The following PLCL1 variants were observed in gnomAD, a reference collection of about 807,000 sequenced individuals.
PLCL1 encodes the protein phospholipase C like 1 (inactive), also known as inactive phospholipase C-like protein 1.
In PLCL1, 41 loss-of-function variants were observed where a neutral mutation model predicts 84.4. The ratio of observed to expected loss-of-function variants is 0.49; its 90% CI spans 0.38 to 0.63. The LOEUF (loss-of-function observed/expected upper bound fraction) is 0.63, where lower values mean the gene tolerates loss of function less well. PLCL1 is among the 30% of genes least tolerant of loss of function. The probability of loss-of-function intolerance (pLI) is 0.00; values close to 1 mark genes in which losing one functional copy is unlikely to be tolerated. For synonymous variants in PLCL1, 490 were observed against 488.3 expected (o/e 1.00, Z -0.05); for missense variants, 1,206 against 1,367.8 (o/e 0.88, Z 1.87).
At chr2:197,970,970 A>G (rs1309478651) in intron 1 of PLCL1, among the ~76,000 whole-genome samples, 5 of 152,248 alleles carry the variant, frequency 3.3e-5, no homozygotes, top group Admixed American at 3.3e-4. Flanking sequence ...ATAATTGAAT[A>G]TCATATTGTG....
intron 1 of PLCL1, among the ~76,000 whole-genome samples, chr2:197,819,883 CATGT>C (rs1432942624): frequency 1.5e-5 from 2 of 134,468 alleles, no homozygotes; most frequent in East Asian, 2.1e-4. Flanking sequence ...CACTATTATG[CATGT>C]GTGTGTGTGT....
chr2:197,907,551 T>C (rs911463827), intron 1 of PLCL1, among the ~76,000 whole-genome samples: 7 of 152,228 alleles, frequency 4.6e-5, no homozygotes, highest in Non-Finnish European at 7.3e-5. Flanking sequence ...TCAGATACCT[T>C]TACCTTCAGT....
At chr2:197,950,037 G>C (rs1300007495) in intron 1 of PLCL1, among the ~76,000 whole-genome samples, 1 of 152,140 alleles carries the variant, frequency 6.6e-6, no homozygotes, top group African/African-American at 2.4e-5. Flanking sequence ...ACTTGGGGCA[G>C]AGCTTTGGCA....
At chr2:198,025,240 TTTAC>T (rs550198230) in intron 1 of PLCL1, among the ~76,000 whole-genome samples, 352 of 152,252 alleles carry the variant, frequency 2.3e-3, no homozygotes, top group Admixed American at 5.9e-3. Context: ...TATGTTTTAG[TTTAC>T]TTATTTCTTT....
At position 198,148,615 on chromosome 2, in the gene PLCL1, C is replaced by A. The variant is rs187416232; in HGVS notation, c.*1653C>A. The A allele has an allele frequency of 5.9e-5, 9 of 152,224 alleles. No individual in the cohort carries two copies. Among genetic ancestry groups the A allele is most frequent in the African/African-American group, 1.9e-4 (8 of 41,404 alleles). 9.4% of individuals were successfully genotyped at this position (152,224 alleles called of 1,614,324 possible). ...ATGCTACAATGGCCTGAAAAAATTT[C>A]TTTACCCTCTGTTATATTTAACTTG... On this transcript the variant is annotated 3_prime_UTR_variant, in exon 6 of 6. Transcript: ENST00000428675.
chr2:197,856,367 C>G (rs981580843), intron 1 of PLCL1, among the ~76,000 whole-genome samples: 1 of 152,028 alleles, frequency 6.6e-6, no homozygotes, highest in Non-Finnish European at 1.5e-5. Context: ...ATTTCTTTAG[C>G]ATTATAGGAT....
intron 1 of PLCL1, among the ~76,000 whole-genome samples, chr2:197,818,021 AG>A (rs1027501613): frequency 6.6e-6 from 1 of 152,050 alleles, no homozygotes; most frequent in Non-Finnish European, 1.5e-5. Flanking sequence ...GAATCAAGGG[AG>A]GACTGTTCTG....
intron 5 of PLCL1, among the ~76,000 whole-genome samples, chr2:198,143,589 T>C (rs192247589): frequency 6.6e-6 from 1 of 152,162 alleles, no homozygotes; most frequent in Non-Finnish European, 1.5e-5. Context: ...TTAGGGAAAA[T>C]TGCTGCATAT....
intron 5 of PLCL1, among the ~76,000 whole-genome samples, chr2:198,144,192 C>T (rs181290808): frequency 1.3e-5 from 2 of 152,264 alleles, no homozygotes; most frequent in East Asian, 1.9e-4. Context: ...TGTTTTTGTA[C>T]GTTTCACTGT....
intron 5 of PLCL1, among the ~76,000 whole-genome samples, chr2:198,141,332 C>T (rs769694445): frequency 6.6e-5 from 10 of 152,082 alleles, no homozygotes; most frequent in Admixed American, 2.0e-4. Context: ...AATAGCTGCA[C>T]CTTTGTGCCT....
chr2:197,863,172 T>C (rs1391086846), intron 1 of PLCL1, among the ~76,000 whole-genome samples: 1 of 152,020 alleles, frequency 6.6e-6, no homozygotes, highest in Non-Finnish European at 1.5e-5. Context: ...CGTTTTTTTT[T>C]TTTTTAATGA....
intron 1 of PLCL1, among the ~76,000 whole-genome samples, chr2:197,814,595 T>A (rs1690651424): frequency 6.6e-6 from 1 of 152,152 alleles, no homozygotes; most frequent in African/African-American, 2.4e-5. Flanking sequence ...ATCTCTCACT[T>A]TAAATCAGAA....
intron 1 of PLCL1, among the ~76,000 whole-genome samples, chr2:197,827,693 T>C (rs1690961951): frequency 6.6e-6 from 1 of 152,222 alleles, no homozygotes; most frequent in Non-Finnish European, 1.5e-5. Flanking sequence ...ATCTTAAATT[T>C]ATCATTTCCT....
intron 1 of PLCL1, among the ~76,000 whole-genome samples, chr2:197,957,069 G>A (rs1330696925): frequency 6.6e-6 from 1 of 151,842 alleles, no homozygotes; most frequent in Non-Finnish European, 1.5e-5. Context: ...CACCTCTTTT[G>A]ATATTGTTCT....
intron 5 of PLCL1, among the ~76,000 whole-genome samples, chr2:198,112,491 A>G (rs963049740): frequency 1.3e-5 from 2 of 151,872 alleles, no homozygotes; most frequent in Non-Finnish European, 2.9e-5. Context: ...CAAAAACTTT[A>G]CAAAGGCTAT....
In PLCL1 at chr2:197,927,544, T is replaced by C. The variant is rs17733603; in HGVS notation, c.240+122205T>C. On this transcript the variant is annotated intron_variant, in intron 1 of 5. Coordinates refer to ENST00000428675, the MANE Select transcript of PLCL1 (RefSeq NM_006226.4). ...AAAGGTAGAAAAGCAAAAGTAGCATTGTAATGAACAAAATTAGTGTTTTCA... is the reference window on the plus strand; with the variant it reads ...AAAGGTAGAAAAGCAAAAGTAGCATCGTAATGAACAAAATTAGTGTTTTCA... Among the ~76,000 whole-genome samples, 1,246 of 152,324 alleles carry C rather than the reference T, an allele frequency of 8.2e-3. 7 individuals are homozygous for C. The highest frequency in any genetic ancestry group is 0.014 in the Non-Finnish European group (938 of 68,032).
intron 5 of PLCL1, among the ~76,000 whole-genome samples, chr2:198,130,408 T>C (rs1429969229): frequency 3.3e-5 from 5 of 152,290 alleles, no homozygotes; most frequent in African/African-American, 1.2e-4. Context: ...GGGACACAGT[T>C]CATGCAAAGG....
At chr2:197,869,406 A>G (rs1301274805) in intron 1 of PLCL1, among the ~76,000 whole-genome samples, 1 of 152,132 alleles carries the variant, frequency 6.6e-6, no homozygotes, top group African/African-American at 2.4e-5. Flanking sequence ...GGATATAAAC[A>G]AAAATAGTGA....
At chr2:197,852,064 G>A (rs552135981) in intron 1 of PLCL1, among the ~76,000 whole-genome samples, 3 of 152,342 alleles carry the variant, frequency 2.0e-5, no homozygotes, top group African/African-American at 7.2e-5. Context: ...TGCAGCAAAT[G>A]CAGTGAATGA....
Sources: gnomAD v4.1 joint callset for allele counts (sites outside exome capture counted in the v4.1 genomes callset) on GRCh38, gnomAD v4.1.1 for gene constraint, MANE v1.5 for transcripts, NCBI Gene and HGNC (gene_info 2026-07-23, HGNC 2026-07-21) for gene names.